The following FARS2 variants were observed in gnomAD, a reference collection of about 807,000 sequenced individuals.
The protein encoded by FARS2 is phenylalanyl-tRNA synthetase 2, mitochondrial.
Under a neutral mutation model 46.4 loss-of-function variants are expected in FARS2, and 40 were observed. That is an observed-to-expected ratio of 0.86 (90% CI 0.67 to 1.12). The LOEUF (loss-of-function observed/expected upper bound fraction) is 1.12. FARS2 is among the 50% of genes most tolerant of loss of function. FARS2 has a pLI of 0.00. For missense variants in FARS2, 513 were observed against 567.9 expected (o/e 0.90, Z 0.98); for synonymous variants, 234 against 214.9 (o/e 1.09, Z -0.78).
At chr6:5,714,547 T>C (rs1759382021) in intron 6 of FARS2, among the ~76,000 whole-genome samples, 1 of 151,868 alleles carries the variant, frequency 6.6e-6, no homozygotes, top group South Asian at 2.1e-4. Context: ...ACTTATTAAG[T>C]CACAAAAAAC....
At chr6:5,624,323 T>A (rs4960114) in intron 6 of FARS2, among the ~76,000 whole-genome samples, 1 of 151,870 alleles carries the variant, frequency 6.6e-6, no homozygotes, top group South Asian at 2.1e-4. Flanking sequence ...TAAATCACAG[T>A]TTGTTCAGTC....
chr6:5,663,457 A>G (rs908903503), intron 6 of FARS2, among the ~76,000 whole-genome samples: 2 of 152,198 alleles, frequency 1.3e-5, no homozygotes, highest in East Asian at 3.8e-4. Flanking sequence ...AAGCCCTGAC[A>G]TTGACATTGG....
chr6:5,300,434 CAA>C (rs891028332), intron 1 of FARS2, among the ~76,000 whole-genome samples: 8 of 151,882 alleles, frequency 5.3e-5, no homozygotes, highest in African/African-American at 1.2e-4. Context: ...TGTTTTTTTT[CAA>C]AGAGAAGCAC....
At chr6:5,396,664 A>G (rs1047673728) in intron 2 of FARS2, among the ~76,000 whole-genome samples, 3 of 152,158 alleles carry the variant, frequency 2.0e-5, no homozygotes, top group African/African-American at 7.2e-5. Flanking sequence ...TTCCCAAGGG[A>G]GAGGGGAGAA....
Position 5,735,012 on chromosome 6 carries a change from G to A in FARS2, c.1218-36279G>A, listed in dbSNP as rs1006579243. Among the ~76,000 whole-genome samples the A allele has an allele frequency of 5.3e-5, 8 of 152,254 alleles. 1 individual carries two copies. Among genetic ancestry groups the A allele is most frequent in the Admixed American group, 2.0e-4 (3 of 15,298 alleles). On this transcript the variant is annotated intron_variant, in intron 6 of 6. Coordinates refer to ENST00000274680, the MANE Select transcript of FARS2 (RefSeq NM_006567.5). The stretch of plus-strand genomic sequence containing the variant: ...AGCAGCTTTCTAGAAGATTCACTCC[G>A]CGTTTATTGCCAGATGTGTCACCTG...
chr6:5,399,884 A>G lies in FARS2; in HGVS notation c.613-4658A>G, dbSNP rs138355156. Among the ~76,000 whole-genome samples the G allele has an allele frequency of 2.6e-5, 4 of 152,256 alleles. No homozygotes were observed. In the East Asian group the frequency reaches 7.7e-4, roughly 29 times the overall value. ...TTATTTAACATCTTTCCAATGTGAG[A>G]CTTTTTAAAAAAATATGGTGCAGTT... On this transcript the variant is annotated intron_variant, in intron 2 of 6. Coordinates refer to ENST00000274680, the MANE Select transcript of FARS2 (RefSeq NM_006567.5).
At chr6:5,385,747 T>G (rs1312386297) in intron 2 of FARS2, among the ~76,000 whole-genome samples, 1 of 152,102 alleles carries the variant, frequency 6.6e-6, no homozygotes, top group African/African-American at 2.4e-5. Context: ...GTAAGAAATG[T>G]GAGTGTGCTT....
chr6:5,484,076 C>G (rs953493609), intron 4 of FARS2, among the ~76,000 whole-genome samples: 3 of 152,162 alleles, frequency 2.0e-5, no homozygotes, highest in Admixed American at 6.5e-5. Context: ...GCACTCCACC[C>G]TGGGCAACAG....
At chr6:5,483,082 G>A (rs1766568229) in intron 4 of FARS2, among the ~76,000 whole-genome samples, 1 of 152,136 alleles carries the variant, frequency 6.6e-6, no homozygotes, top group Admixed American at 6.5e-5. Flanking sequence ...ATTATGGAAT[G>A]GCAGCCCTCA....
intron 4 of FARS2, among the ~76,000 whole-genome samples, chr6:5,520,246 GCCC>G (rs1341732189): frequency 2.6e-5 from 4 of 152,038 alleles, no homozygotes; most frequent in Non-Finnish European, 5.9e-5. Context: ...GGTTCCTGAG[GCCC>G]CCATGTGGGC....
intron 4 of FARS2, among the ~76,000 whole-genome samples, chr6:5,493,297 CTT>C (rs1232006484): frequency 6.6e-6 from 1 of 151,856 alleles, no homozygotes; most frequent in Non-Finnish European, 1.5e-5. Context: ...TGGACAGTTG[CTT>C]TTCATTCTCA....
At chr6:5,475,923 A>T (rs139514492) in intron 4 of FARS2, among the ~76,000 whole-genome samples, 1 of 152,122 alleles carries the variant, frequency 6.6e-6, no homozygotes, top group Admixed American at 6.5e-5. Flanking sequence ...TCCATTAGCC[A>T]TTCTGTAACT....
At chr6:5,432,601 T>C (rs1582090639) in intron 4 of FARS2, among the ~76,000 whole-genome samples, 1 of 147,502 alleles carries the variant, frequency 6.8e-6, no homozygotes, top group African/African-American at 2.5e-5. Flanking sequence ...TTGAGCTCAC[T>C]ACATAAGCAG....
intron 6 of FARS2, among the ~76,000 whole-genome samples, chr6:5,633,208 C>T (rs545443858): frequency 1.3e-5 from 2 of 150,540 alleles, no homozygotes; most frequent in South Asian, 4.2e-4. Flanking sequence ...AAGGGATTCT[C>T]CTACCTCAAC....
chr6:5,366,296 A>G (rs808814), intron 1 of FARS2, among the ~76,000 whole-genome samples: 24,706 of 152,168 alleles, frequency 0.16, 2,562 homozygotes, highest in African/African-American at 0.29. Flanking sequence ...CAATGTATTA[A>G]TAGAAGTATG....
intron 1 of FARS2, among the ~76,000 whole-genome samples, chr6:5,359,520 G>T (rs574431410): frequency 6.6e-6 from 1 of 152,196 alleles, no homozygotes; most frequent in Non-Finnish European, 1.5e-5. Context: ...TGGGCTCTCT[G>T]ATCCATATGC....
chr6:5,654,467 C>T (rs1017466573), intron 6 of FARS2, among the ~76,000 whole-genome samples: 5 of 152,186 alleles, frequency 3.3e-5, no homozygotes, highest in African/African-American at 1.2e-4. Flanking sequence ...TGGATAATAG[C>T]TTGGACTGCA....
chr6:5,752,349 C>T (rs1761995297), intron 6 of FARS2, among the ~76,000 whole-genome samples: 1 of 152,322 alleles, frequency 6.6e-6, no homozygotes, highest in East Asian at 1.9e-4. Context: ...TTTGCACACT[C>T]CTGTTCTTTT....
In FARS2 at chr6:5,559,118, G is replaced by A. The variant is rs142991748; in HGVS notation, c.1065+13778G>A. Among the ~76,000 whole-genome samples, 3 of 151,668 alleles carry A rather than the reference G, an allele frequency of 2.0e-5. No homozygotes were observed. In the East Asian group the frequency reaches 5.8e-4, roughly 29 times the overall value. On this transcript the variant is annotated intron_variant, in intron 5 of 6. Transcript: ENST00000274680. ...CTACAGATTTTTTTAAAGAGTAAAA[G>A]TGGTTAGGCGCAGGGGCCTCACTCC...
Sources: allele counts gnomAD v4.1 joint callset (sites outside exome capture counted in the v4.1 genomes callset), GRCh38; gene constraint gnomAD v4.1.1; transcripts MANE v1.5; gene names NCBI Gene and HGNC (gene_info 2026-07-23, HGNC 2026-07-21).